The following NELL2 variants were observed in gnomAD, a reference collection of about 807,000 sequenced individuals.
NELL2 encodes the protein protein kinase C-binding protein NELL2.
In NELL2, 41 loss-of-function variants were observed where a neutral mutation model predicts 109.6. The ratio of observed to expected loss-of-function variants is 0.37; its 90% CI spans 0.29 to 0.49. NELL2 has a LOEUF of 0.49. NELL2 is among the 20% of genes least tolerant of loss of function. The pLI is 0.98. For missense variants in NELL2, 900 were observed against 1,008.3 expected, an observed-to-expected ratio of 0.89 and a Z score of 1.45; for synonymous variants, 355 against 344.7, an observed-to-expected ratio of 1.03 and a Z score of -0.33.
intron 2 of NELL2, among the ~76,000 whole-genome samples, chr12:44,822,576 GAAAC>G (rs1001381386): frequency 2.6e-5 from 4 of 152,222 alleles, no homozygotes; most frequent in Non-Finnish European, 4.4e-5. Flanking sequence ...AAGAGGCTGA[GAAAC>G]AGGCCTTGAA....
intron 11 of NELL2, among the ~76,000 whole-genome samples, chr12:44,708,892 C>T (rs1267566648): frequency 6.6e-6 from 1 of 152,068 alleles, no homozygotes; most frequent in Non-Finnish European, 1.5e-5. Context: ...GCTATGTAAA[C>T]ACATTTTTTA....
chr12:44,661,376 C>T (rs1281642274), intron 13 of NELL2, among the ~76,000 whole-genome samples: 3 of 152,166 alleles, frequency 2.0e-5, no homozygotes, highest in Non-Finnish European at 4.4e-5. Context: ...TTTTAATAAA[C>T]TTCCACTCCT....
chr12:44,723,030 T>C (rs111559981), intron 9 of NELL2, among the ~76,000 whole-genome samples: 4,121 of 151,842 alleles, frequency 0.027, 184 homozygotes, highest in African/African-American at 0.093. Context: ...CTACTAAAAA[T>C]ACAAAAAAAT....
chr12:44,909,211 T>C (rs1163431024), intron 1 of NELL2, among the ~76,000 whole-genome samples: 1 of 151,950 alleles, frequency 6.6e-6, no homozygotes, highest in Admixed American at 6.6e-5. Flanking sequence ...CTACTGAAAC[T>C]GATAAATAAC....
intron 9 of NELL2, among the ~76,000 whole-genome samples, chr12:44,755,264 C>G (rs1240660985): frequency 6.6e-6 from 1 of 152,186 alleles, no homozygotes; most frequent in Non-Finnish European, 1.5e-5. Context: ...AAATACACAT[C>G]TGTACTTCAG....
intron 12 of NELL2, among the ~76,000 whole-genome samples, chr12:44,684,824 T>A (rs1464558124): frequency 6.6e-6 from 1 of 152,078 alleles, no homozygotes; most frequent in Admixed American, 6.5e-5. Context: ...TGCTGAGGAG[T>A]GCTTTACTTC....
At position 44,566,771 on chromosome 12, in the gene NELL2, C is replaced by T. The variant is rs1943676417; in HGVS notation, c.1664-34050G>A. Among the ~76,000 whole-genome samples, 3 of 152,116 alleles carry T rather than the reference C, an allele frequency of 2.0e-5. No homozygotes were observed. In the South Asian group the frequency reaches 6.2e-4, roughly 32 times the overall value. ...GAACAATTATATCTACTTTACAATA[C>T]TTCTGTAAAAGCATTTTGAAAATTA... On this transcript the variant is annotated intron_variant, in intron 15 of 19. Transcript: ENST00000429094.
intron 13 of NELL2, among the ~76,000 whole-genome samples, chr12:44,639,415 A>G (rs1431057820): frequency 6.6e-6 from 1 of 152,146 alleles, no homozygotes; most frequent in African/African-American, 2.4e-5. Flanking sequence ...CCCGCAGCGC[A>G]CTCATAAATC....
chr12:44,894,255 G>A (rs952855266), intron 1 of NELL2, among the ~76,000 whole-genome samples: 4 of 152,220 alleles, frequency 2.6e-5, no homozygotes, highest in Admixed American at 2.6e-4. Flanking sequence ...TTTCCTGCTT[G>A]TTAACTTATC....
intron 3 of NELL2, among the ~76,000 whole-genome samples, chr12:44,797,610 T>C (rs1337646143): frequency 6.6e-6 from 1 of 151,740 alleles, no homozygotes; most frequent in East Asian, 1.9e-4. Flanking sequence ...AAATAATAGG[T>C]TGCAATTAGA....
At chr12:44,736,004 C>CT (rs35988182) in intron 9 of NELL2, among the ~76,000 whole-genome samples, 2,527 of 99,380 alleles carry the variant, frequency 0.025, 66 homozygotes, top group Non-Finnish European at 0.038. Context: ...GCAGTTAATT[C>CT]TTTTTTTTTT....
At chr12:44,677,486 A>T (rs572728237) in intron 12 of NELL2, among the ~76,000 whole-genome samples, 27 of 152,156 alleles carry the variant, frequency 1.8e-4, no homozygotes, top group Non-Finnish European at 3.4e-4. Context: ...TTCTATGCCT[A>T]TTTAAGCATA....
At chr12:44,718,722 A>T (rs1182571849) in intron 9 of NELL2, among the ~76,000 whole-genome samples, 2 of 152,248 alleles carry the variant, frequency 1.3e-5, no homozygotes, top group East Asian at 1.9e-4. Context: ...TAATTTATTC[A>T]TACAGGCTTA....
At chr12:44,885,173 G>A (rs1230785280) in intron 1 of NELL2, among the ~76,000 whole-genome samples, 5 of 151,828 alleles carry the variant, frequency 3.3e-5, no homozygotes, top group Admixed American at 3.3e-4. Flanking sequence ...CAGCTACTTG[G>A]GAAGCTGAGG....
intron 15 of NELL2, among the ~76,000 whole-genome samples, chr12:44,564,274 A>G (rs1158776894): frequency 2.0e-5 from 3 of 152,186 alleles, no homozygotes; most frequent in Non-Finnish European, 1.5e-5. Context: ...AGCAAAATGC[A>G]TGGTTTATTT....
At chr12:44,752,164 T>C (rs1402038330) in intron 9 of NELL2, among the ~76,000 whole-genome samples, 1 of 152,254 alleles carries the variant, frequency 6.6e-6, no homozygotes, top group Non-Finnish European at 1.5e-5. Flanking sequence ...CACTGGCTAC[T>C]CTTGAATTGA....
intron 9 of NELL2, among the ~76,000 whole-genome samples, chr12:44,727,051 T>C (rs895440606): frequency 3.3e-5 from 5 of 152,030 alleles, no homozygotes; most frequent in African/African-American, 9.7e-5. Flanking sequence ...AGATCTAGAG[T>C]GAGACATGAA....
At chr12:44,612,965 T>C (rs755760423) in intron 13 of NELL2, among the ~76,000 whole-genome samples, 1 of 152,004 alleles carries the variant, frequency 6.6e-6, no homozygotes, top group Admixed American at 6.6e-5. Context: ...TTTACTCTCA[T>C]GGGTACTGAA....
chr12:44,846,762 T>C (rs1380374510), intron 2 of NELL2, among the ~76,000 whole-genome samples: 1 of 72,594 alleles, frequency 1.4e-5, no homozygotes, highest in Non-Finnish European at 4.1e-5. Flanking sequence ...CAAGTGTACA[T>C]ATTTGTACTT....
Sources: gnomAD v4.1 joint callset for allele counts (sites outside exome capture counted in the v4.1 genomes callset) on GRCh38, gnomAD v4.1.1 for gene constraint, MANE v1.5 for transcripts, NCBI Gene and HGNC (gene_info 2026-07-23, HGNC 2026-07-21) for gene names.